The following MED15 variants were observed in gnomAD, a reference collection of about 807,000 sequenced individuals.
MED15 encodes mediator complex subunit 15, also known as mediator of RNA polymerase II transcription subunit 15.
In MED15, 41 loss-of-function variants were observed where a neutral mutation model predicts 118.7. The ratio of observed to expected loss-of-function variants is 0.35; its 90% CI spans 0.27 to 0.45. The LOEUF is 0.45. MED15 is among the 20% of genes least tolerant of loss of function. The probability of loss-of-function intolerance (pLI) is 1.00; values close to 1 mark genes in which losing one functional copy is unlikely to be tolerated. For synonymous variants in MED15, 436 were observed against 413.9 expected (o/e 1.05, Z -0.65); for missense variants, 740 against 1,025.5 (o/e 0.72, Z 3.80).
chr22:20,519,126 T>TA (rs1371143046), intron 1 of MED15: 2 of 330,854 alleles, frequency 6.0e-6, no homozygotes, highest in Non-Finnish European at 1.2e-5. Context: ...GTGCTGGGAT[T>TA]ACAGGTGTGA....
chr22:20,507,624 G>A lies in MED15; in HGVS notation c.-55G>A. The A allele has an allele frequency of 1.2e-6, 2 of 1,606,632 alleles. No homozygotes were observed. Among genetic ancestry groups the A allele is most frequent in the Non-Finnish European group, 1.7e-6 (2 of 1,173,526 alleles). On this transcript the variant is annotated 5_prime_UTR_variant, in exon 1 of 18. Transcript: ENST00000263205. The stretch of plus-strand genomic sequence containing the variant: ...GGTTTGGGCCTGGCTCTGTGACTGA[G>A]GCGGCGGCGGTGGCGGCCAAGCGGG...
In MED15 at chr22:20,534,884, A is replaced by T. The variant is rs544460807; in HGVS notation, c.69-2233A>T. Among the ~76,000 whole-genome samples, 15 of 152,228 alleles carry T rather than the reference A, an allele frequency of 9.9e-5. No individual in the cohort carries two copies. The South Asian group carries it at 3.1e-3, about 32-fold the overall frequency. ...GTGACCTTTCTTACTTGTCTGTTCC[A>T]CACCTGGATGCCTTGTGAGCAGAAA... is the stretch of plus-strand genomic sequence containing the variant. On this transcript the variant is annotated intron_variant, in intron 1 of 17. Transcript: ENST00000263205.
At chr22:20,553,660 G>A (rs2055876198) in intron 4 of MED15, among the ~76,000 whole-genome samples, 1 of 152,114 alleles carries the variant, frequency 6.6e-6, no homozygotes, top group South Asian at 2.1e-4. Context: ...ATCAGTTGAG[G>A]TCAGGAGTTC....
Position 20,507,629 on chromosome 22 carries a change from C to T in MED15, c.-50C>T. The stretch of plus-strand genomic sequence containing the variant: ...GGGCCTGGCTCTGTGACTGAGGCGG[C>T]GGCGGTGGCGGCCAAGCGGGATACG... On this transcript the variant is annotated 5_prime_UTR_variant, in exon 1 of 18. Coordinates refer to ENST00000263205, the MANE Select transcript of MED15 (RefSeq NM_001003891.3). 3 of 1,610,094 alleles carry T rather than the reference C, an allele frequency of 1.9e-6. No homozygotes were observed. Among genetic ancestry groups the T allele is most frequent in the Non-Finnish European group, 2.5e-6 (3 of 1,176,770 alleles).
chr22:20,507,846 G>A, intron 1 of MED15, 100 bp downstream of exon 1: 1 of 1,551,052 alleles, frequency 6.4e-7, no homozygotes, highest in South Asian at 1.2e-5. Context: ...ACGGCGCCGG[G>A]AGACAGAAGG....
intron 1 of MED15, among the ~76,000 whole-genome samples, chr22:20,512,757 A>G (rs1028950283): frequency 2.0e-5 from 3 of 148,548 alleles, no homozygotes; most frequent in Admixed American, 6.7e-5. Flanking sequence ...ACGCCCAGCT[A>G]ATTTTTTTTT....
At chr22:20,529,870 G>A (rs2054792998) in intron 1 of MED15, among the ~76,000 whole-genome samples, 2 of 152,156 alleles carry the variant, frequency 1.3e-5, no homozygotes, top group Admixed American at 6.5e-5. Flanking sequence ...GGGATTACAG[G>A]CGTGAGCCAC....
chr22:20,529,158 T>A (rs2054762736), intron 1 of MED15, among the ~76,000 whole-genome samples: 1 of 152,214 alleles, frequency 6.6e-6, no homozygotes, highest in African/African-American at 2.4e-5. Context: ...TCCTGGTTTT[T>A]TTTTCTGTGG....
intron 2 of MED15, among the ~76,000 whole-genome samples, chr22:20,542,080 C>T (rs1424618335): frequency 6.6e-6 from 1 of 152,128 alleles, no homozygotes; most frequent in African/African-American, 2.4e-5. Flanking sequence ...CAGGGGTGAG[C>T]CACCGTGCCT....
chr22:20,525,321 T>G lies in MED15; in HGVS notation c.69-11796T>G, dbSNP rs192715122. On this transcript the variant is annotated intron_variant, in intron 1 of 17. Coordinates refer to ENST00000263205, the MANE Select transcript of MED15 (RefSeq NM_001003891.3). The stretch of plus-strand genomic sequence containing the variant: ...AGAAAGGTGAACATGAGTTTTTTTG[T>G]TTTTTTTTTGACATAGTTTTGCCCT... Among the ~76,000 whole-genome samples, 435 of 118,268 alleles carry G rather than the reference T, an allele frequency of 3.7e-3. 1 individual carries two copies. Among genetic ancestry groups the G allele is most frequent in the African/African-American group, 0.018 (349 of 19,182 alleles). The allele number at this position is 118,268 out of a possible 152,430, so 77.6% of individuals were successfully genotyped here.
chr22:20,520,413 A>G (rs2054404766), intron 1 of MED15, among the ~76,000 whole-genome samples: 1 of 152,190 alleles, frequency 6.6e-6, no homozygotes, highest in African/African-American at 2.4e-5. Context: ...GTGGGTCACC[A>G]TACGTCCTGC....
chr22:20,530,774 G>A (rs149880255), intron 1 of MED15, among the ~76,000 whole-genome samples: 1 of 152,146 alleles, frequency 6.6e-6, no homozygotes, highest in African/African-American at 2.4e-5. Context: ...GGGCGGTGGA[G>A]CTGGCCTCAG....
At position 20,560,966 on chromosome 22, in the gene MED15, G is replaced by A. The variant is rs188978064; in HGVS notation, c.452-3484G>A. ...ATGCAAGTCAGCAGGGAGATAGAGC[G>A]TGAATATCGGTTCTGTCGGGTACAT... On this transcript the variant is annotated intron_variant, in intron 5 of 17. Coordinates refer to ENST00000263205, the MANE Select transcript of MED15 (RefSeq NM_001003891.3). 1.3e-4 allele frequency among the ~76,000 whole-genome samples: 20 copies of A among 152,236 alleles called. No individual in the cohort carries two copies. The South Asian group carries it at 1.7e-3, about 13-fold the overall frequency.
chr22:20,569,299 G>C (rs935888424), intron 8 of MED15, among the ~76,000 whole-genome samples: 3 of 152,220 alleles, frequency 2.0e-5, no homozygotes, highest in Admixed American at 6.5e-5. Context: ...CCTTCTTGTG[G>C]GGAGACGTAC....
At chr22:20,535,806 G>A (rs929637903) in intron 1 of MED15, among the ~76,000 whole-genome samples, 4 of 150,910 alleles carry the variant, frequency 2.7e-5, no homozygotes, top group Admixed American at 1.3e-4. Context: ...TGATCTGCCC[G>A]CCTTGGCCTC....
rs373834895 is a variant in MED15 at position 20,584,850 on chromosome 22, T to G, written c.1804-5T>G. On this transcript the variant is annotated splice_polypyrimidine_tract_variant and splice_region_variant and intron_variant, in intron 14 of 17. Coordinates refer to ENST00000263205, the MANE Select transcript of MED15 (RefSeq NM_001003891.3). The stretch of plus-strand genomic sequence containing the variant: ...GGCTGCTGACCGTGCCCATCCTGTC[T>G]CCAGCCCACTCCCCCACCGCCCCCG... 6.3e-5 allele frequency: 101 copies of G among 1,611,262 alleles called. No homozygotes were observed. In the African/African-American group the frequency reaches 1.3e-3, roughly 21 times the overall value.
chr22:20,566,862 CTG>C, intron 7 of MED15, 45 bp downstream of exon 7: 1 of 1,597,214 alleles, frequency 6.3e-7, no homozygotes, highest in South Asian at 1.1e-5. Flanking sequence ...GCCCGTGGCT[CTG>C]TCAGCAGTAG....
intron 1 of MED15, among the ~76,000 whole-genome samples, chr22:20,529,532 C>G (rs1036972927): frequency 1.3e-5 from 2 of 152,214 alleles, no homozygotes; most frequent in Non-Finnish European, 2.9e-5. Flanking sequence ...TCAAGTGATT[C>G]TCCTGCCTCG....
chr22:20,562,448 G>A (rs556909188), intron 5 of MED15, among the ~76,000 whole-genome samples: 254 of 152,234 alleles, frequency 1.7e-3, no homozygotes, highest in African/African-American at 5.5e-3. Context: ...GCAGTGGCGC[G>A]ATCTCGGCTC....
Sources: allele counts gnomAD v4.1 joint callset (sites outside exome capture counted in the v4.1 genomes callset), GRCh38; gene constraint gnomAD v4.1.1; transcripts MANE v1.5; gene names NCBI Gene and HGNC (gene_info 2026-07-23, HGNC 2026-07-21).